Variants in TFCP2L1 observed in about 807,000 individuals in gnomAD.
The protein encoded by TFCP2L1 is transcription factor CP2 like 1.
A neutral mutation model predicts 72.2 loss-of-function variants in TFCP2L1; 12 were observed. The observed-to-expected ratio is 0.17, with a 90% confidence interval of 0.11 to 0.27. The LOEUF is 0.27. Ranked by LOEUF, TFCP2L1 falls within the 10% of genes least tolerant of loss-of-function variation. The pLI is 1.00. For synonymous variants in TFCP2L1, 260 were observed against 251.0 expected (o/e 1.04, Z -0.34); for missense variants, 488 against 624.6 (o/e 0.78, Z 2.33).
At chr2:121,269,403 G>T (rs940076272) in intron 2 of TFCP2L1, among the ~76,000 whole-genome samples, 1 of 151,938 alleles carries the variant, frequency 6.6e-6, no homozygotes, top group Admixed American at 6.6e-5. Flanking sequence ...AGCTGTAATC[G>T]CACCACTGCA....
intron 12 of TFCP2L1, among the ~76,000 whole-genome samples, chr2:121,233,135 G>A (rs1686178299): frequency 6.6e-6 from 1 of 152,126 alleles, no homozygotes; most frequent in Non-Finnish European, 1.5e-5. Flanking sequence ...CTGGGCAACA[G>A]AATGAGACTC....
At chr2:121,247,177 C>T (rs939580244) in intron 5 of TFCP2L1, among the ~76,000 whole-genome samples, 1 of 152,168 alleles carries the variant, frequency 6.6e-6, no homozygotes, top group East Asian at 1.9e-4. Flanking sequence ...TACACACCCC[C>T]ACCTTTGTCT....
At chr2:121,275,212 A>G (rs971975159) in intron 2 of TFCP2L1, among the ~76,000 whole-genome samples, 1 of 151,946 alleles carries the variant, frequency 6.6e-6, no homozygotes, top group South Asian at 2.1e-4. Context: ...GTGAAACCCC[A>G]TCTCTACTAA....
chr2:121,256,804 A>T (rs1686736945), intron 2 of TFCP2L1, among the ~76,000 whole-genome samples: 1 of 151,818 alleles, frequency 6.6e-6, no homozygotes, highest in Non-Finnish European at 1.5e-5. Context: ...AAAATACAAA[A>T]AATTACCCGG....
chr2:121,284,389 T>C (rs1687323926), intron 1 of TFCP2L1, among the ~76,000 whole-genome samples: 2 of 152,194 alleles, frequency 1.3e-5, no homozygotes, highest in African/African-American at 4.8e-5. Flanking sequence ...AAGAGGGGCC[T>C]GTGGGGAACT....
chr2:121,246,578 T>G (rs1686487866), intron 6 of TFCP2L1, among the ~76,000 whole-genome samples: 1 of 152,212 alleles, frequency 6.6e-6, no homozygotes, highest in Admixed American at 6.5e-5. Flanking sequence ...ATGCCGATGC[T>G]TCTGCCAGAA....
chr2:121,234,054 C>G lies in TFCP2L1; in HGVS notation c.1198+37G>C, dbSNP rs1207213131. 3 of 1,585,446 alleles carry G rather than the reference C, an allele frequency of 1.9e-6. No homozygotes were observed. The South Asian group carries it at 3.3e-5, about 18-fold the overall frequency. On this transcript the variant is annotated intron_variant, in intron 12 of 14. Transcript: ENST00000263707. ...GGCTTGAAAGCCAGGCTGCGGGACC[C>G]AATGTGTGGGTCCCAGCTCTGCTCC...
intron 3 of TFCP2L1, 84 bp from the exon 4 acceptor site, chr2:121,249,171 C>A: frequency 9.0e-7 from 1 of 1,110,210 alleles, no homozygotes; most frequent in Non-Finnish European, 1.3e-6. Context: ...ACAGTAAACC[C>A]TCCCACCTTT....
intron 13 of TFCP2L1, among the ~76,000 whole-genome samples, chr2:121,225,827 C>A (rs1004602532): frequency 2.0e-5 from 3 of 147,840 alleles, no homozygotes; most frequent in African/African-American, 5.1e-5. Flanking sequence ...CCCACACACA[C>A]GGGAACACGG....
At chr2:121,241,323 G>A (rs962541244) in intron 7 of TFCP2L1, among the ~76,000 whole-genome samples, 23 of 152,034 alleles carry the variant, frequency 1.5e-4, no homozygotes, top group Non-Finnish European at 3.2e-4. Flanking sequence ...GTGAAACCCC[G>A]TCTCTACTAA....
chr2:121,248,503 C>T lies in TFCP2L1; in HGVS notation c.398-233G>A, dbSNP rs1042435596. Among the ~76,000 whole-genome samples, 5 of 152,268 alleles carry T rather than the reference C, an allele frequency of 3.3e-5. 1 individual carries two copies. The highest frequency in any genetic ancestry group is 7.3e-5 in the Non-Finnish European group (5 of 68,042). On this transcript the variant is annotated intron_variant, in intron 4 of 14. Coordinates refer to ENST00000263707, the MANE Select transcript of TFCP2L1 (RefSeq NM_014553.3). Reference sequence around the variant, plus strand: ...TTTTATTTTGCTACAGAAATATGACCGTGCTTGGCTGCCTGTTGGAGATGT... The same window carrying T: ...TTTTATTTTGCTACAGAAATATGACTGTGCTTGGCTGCCTGTTGGAGATGT...
At chr2:121,266,785 T>C (rs1285996802) in intron 2 of TFCP2L1, among the ~76,000 whole-genome samples, 4 of 152,236 alleles carry the variant, frequency 2.6e-5, no homozygotes, top group Non-Finnish European at 5.9e-5. Context: ...CCGTGCTTTA[T>C]GACACACTTC....
At chr2:121,284,182 T>C (rs1479511877) in intron 1 of TFCP2L1, among the ~76,000 whole-genome samples, 1 of 152,196 alleles carries the variant, frequency 6.6e-6, no homozygotes, top group Non-Finnish European at 1.5e-5. Context: ...ATCATTCATT[T>C]TCCTTGAGCC....
chr2:121,276,704 T>C (rs1687155020), intron 2 of TFCP2L1, among the ~76,000 whole-genome samples: 1 of 150,242 alleles, frequency 6.7e-6, no homozygotes, highest in Non-Finnish European at 1.5e-5. Context: ...GAGATAAAGG[T>C]AGGAAAAGTC....
chr2:121,222,241 C>T lies in TFCP2L1; in HGVS notation c.*2100G>A, dbSNP rs760601055. 2.0e-5 allele frequency: 3 copies of T among 152,220 alleles called. No individual in the cohort carries two copies. Among genetic ancestry groups the T allele is most frequent in the Admixed American group, 6.5e-5 (1 of 15,276 alleles). The allele number at this position is 152,220 out of a possible 1,614,324, so 9.4% of individuals were successfully genotyped here. ...ACAGCTGCTATAGAAAACAGTCTGGCAGTTTCTCAAAAAGTTAAAACACGG... is the reference window on the plus strand; with the variant it reads ...ACAGCTGCTATAGAAAACAGTCTGGTAGTTTCTCAAAAAGTTAAAACACGG... On this transcript the variant is annotated 3_prime_UTR_variant, in exon 15 of 15. Transcript: ENST00000263707.
chr2:121,280,781 A>AAAAG (rs1160810520), intron 2 of TFCP2L1, among the ~76,000 whole-genome samples: 3 of 150,378 alleles, frequency 2.0e-5, no homozygotes, highest in Non-Finnish European at 4.4e-5. Context: ...AAAAAAAAAA[A>AAAAG]AAAGAAAGAA....
Position 121,242,108 on chromosome 2 carries a change from AG to A in TFCP2L1, c.768+250del, listed in dbSNP as rs1191814715. 2.1e-3 allele frequency among the ~76,000 whole-genome samples: 296 copies of A among 141,248 alleles called. 1 individual carries two copies. The highest frequency in any genetic ancestry group is 6.3e-3 in the East Asian group (28 of 4,414). 92.7% of individuals were successfully genotyped at this position (141,248 alleles called of 152,430 possible). A position where few individuals can be genotyped will look rare whatever the true frequency, so the allele number is the denominator to read the frequency against. On this transcript the variant is annotated intron_variant, in intron 7 of 14. Transcript: ENST00000263707. ...CAAAAAAAAAAAAAAAAAAAAAAAA[AG>A]GGAACCTAATTTGGGAAAGCACAAA... is the stretch of plus-strand genomic sequence containing the variant.
At chr2:121,252,722 T>C (rs1417473383) in intron 2 of TFCP2L1, among the ~76,000 whole-genome samples, 1 of 152,174 alleles carries the variant, frequency 6.6e-6, no homozygotes, top group African/African-American at 2.4e-5. Context: ...CCCTGCCGAA[T>C]TTCCGACTGC....
chr2:121,258,595 C>T (rs1686772501), intron 2 of TFCP2L1, among the ~76,000 whole-genome samples: 1 of 152,216 alleles, frequency 6.6e-6, no homozygotes, highest in African/African-American at 2.4e-5. Context: ...AAGGCACCAC[C>T]TGAATCTCAA....
Sources: gnomAD v4.1 joint callset for allele counts (sites outside exome capture counted in the v4.1 genomes callset) on GRCh38, gnomAD v4.1.1 for gene constraint, MANE v1.5 for transcripts, NCBI Gene and HGNC (gene_info 2026-07-23, HGNC 2026-07-21) for gene names.